The following WDR27 variants were observed in gnomAD, a reference collection of about 807,000 sequenced individuals.
WDR27 encodes the protein WD repeat-containing protein 27.
Under a neutral mutation model 114.4 loss-of-function variants are expected in WDR27, and 100 were observed. That is an observed-to-expected ratio of 0.87 (90% CI 0.74 to 1.03). WDR27 has a LOEUF of 1.03. WDR27 is among the 50% of genes least tolerant of loss of function. The probability of loss-of-function intolerance (pLI) is 0.00; values close to 1 mark genes in which losing one functional copy is unlikely to be tolerated. For missense variants in WDR27, 1,129 were observed against 1,092.9 expected (o/e 1.03, Z -0.47); for synonymous variants, 449 against 423.1 (o/e 1.06, Z -0.75).
rs545802236 is a variant in WDR27 at position 169,634,052 on chromosome 6, G to C, written c.2101+376C>G. On this transcript the variant is annotated intron_variant, in intron 20 of 25. Coordinates refer to ENST00000448612, the MANE Select transcript of WDR27 (RefSeq NM_182552.5). ...TAAAAATCTCAAAAATTAAAGTTCT[G>C]GGATTCCATTTCATATTATTTTGAA... Among the ~76,000 whole-genome samples, 27 of 152,198 alleles carry C rather than the reference G, an allele frequency of 1.8e-4. No homozygotes were observed. The South Asian group carries it at 3.7e-3, about 21-fold the overall frequency.
At chr6:169,499,753 T>C (rs981296722) in intron 25 of WDR27, among the ~76,000 whole-genome samples, 1 of 152,240 alleles carries the variant, frequency 6.6e-6, no homozygotes, top group South Asian at 2.1e-4. Flanking sequence ...GCTGGGACCC[T>C]GCCAAGTGGG....
intron 21 of WDR27, among the ~76,000 whole-genome samples, chr6:169,616,343 C>T (rs1053015728): frequency 6.6e-6 from 1 of 152,104 alleles, no homozygotes; most frequent in Admixed American, 6.5e-5. Flanking sequence ...CAAAAATTAG[C>T]TGGGTGTGGT....
the WDR27 span, among the ~76,000 whole-genome samples, chr6:169,434,367 G>A: frequency 6.6e-6 from 1 of 152,118 alleles, no homozygotes. Flanking sequence ...CTTTTGTCAG[G>A]TTTGTTGAAG....
At chr6:169,583,164 T>C (rs1803801675) in intron 23 of WDR27, among the ~76,000 whole-genome samples, 1 of 152,116 alleles carries the variant, frequency 6.6e-6, no homozygotes, top group Non-Finnish European at 1.5e-5. Flanking sequence ...ACTTATGTCA[T>C]ACTTTCTATT....
At chr6:169,689,305 A>G (rs1783852363) in intron 1 of WDR27, 1 of 243,002 alleles carries the variant, frequency 4.1e-6, no homozygotes, top group Admixed American at 5.5e-5. Flanking sequence ...ATCAGCTTCC[A>G]CAACTGTCAA....
Position 169,658,349 on chromosome 6 carries a change from G to C in WDR27, c.1329C>G (p.Val443=). Reference sequence around the variant, plus strand: ...CCAGATACAGTGGAGAGGTCGGTAGGACACAGGAGCTGAAACAGAAACAAG... The same window carrying C: ...CCAGATACAGTGGAGAGGTCGGTAGCACACAGGAGCTGAAACAGAAACAAG... ...QSLSVPASSC[V]LPTSPLYLGI... is the part of the protein sequence containing the mutation. Residue 443 remains valine, a synonymous_variant, in exon 13 of 26, where the codon GTC becomes GTG. Coordinates refer to ENST00000448612, the MANE Select transcript of WDR27 (RefSeq NM_182552.5). The C allele has an allele frequency of 6.3e-7, 1 of 1,594,996 alleles. No homozygotes were observed.
intron 20 of WDR27, among the ~76,000 whole-genome samples, chr6:169,633,921 C>CT (rs1817046979): frequency 6.6e-6 from 1 of 152,182 alleles, no homozygotes; most frequent in Non-Finnish European, 1.5e-5. Flanking sequence ...GTAGATTGAA[C>CT]TTTGAGTAAA....
the WDR27 span, among the ~76,000 whole-genome samples, chr6:169,439,602 A>C: frequency 2.6e-5 from 4 of 152,158 alleles, no homozygotes; most frequent in African/African-American, 9.7e-5. Flanking sequence ...TAACTGATAA[A>C]AATTATGATT....
intron 25 of WDR27, among the ~76,000 whole-genome samples, chr6:169,537,197 CATT>C (rs1437480788): frequency 6.6e-6 from 1 of 152,158 alleles, no homozygotes; most frequent in African/African-American, 2.4e-5. Flanking sequence ...GCCTCCCAGA[CATT>C]ATACAATACA....
intron 25 of WDR27, among the ~76,000 whole-genome samples, chr6:169,519,687 G>C (rs1466500058): frequency 6.6e-6 from 1 of 151,966 alleles, no homozygotes; most frequent in Non-Finnish European, 1.5e-5. Context: ...GATTTGGGTG[G>C]TGGGAATATC....
At chr6:169,645,232 G>A (rs1262857794) in intron 16 of WDR27, among the ~76,000 whole-genome samples, 1 of 151,480 alleles carries the variant, frequency 6.6e-6, no homozygotes, top group African/African-American at 2.4e-5. Flanking sequence ...TAGTTCACAG[G>A]AGTCACACTG....
the WDR27 span, among the ~76,000 whole-genome samples, chr6:169,430,243 C>T: frequency 1.3e-5 from 2 of 152,214 alleles, no homozygotes; most frequent in Admixed American, 1.3e-4. Flanking sequence ...GAAGGGAGAG[C>T]TTGGTGAGCA....
At chr6:169,435,068 G>A in the WDR27 span, among the ~76,000 whole-genome samples, 4 of 152,192 alleles carry the variant, frequency 2.6e-5, no homozygotes, top group Non-Finnish European at 5.9e-5. Flanking sequence ...TGGCTAAAAG[G>A]GTCCAAGGCA....
intron 13 of WDR27, chr6:169,657,687 A>G (rs917313066): frequency 6.5e-6 from 1 of 152,876 alleles, no homozygotes; most frequent in African/African-American, 2.4e-5. Flanking sequence ...GTGAAAGTTA[A>G]TTTATACATA....
intron 25 of WDR27, among the ~76,000 whole-genome samples, chr6:169,529,317 G>C (rs1021103746): frequency 5.0e-5 from 7 of 141,046 alleles, no homozygotes; most frequent in East Asian, 2.3e-4. Context: ...CTCTGCGGGG[G>C]GGGGGGGCAG....
At chr6:169,642,864 C>T (rs1228496144) in intron 17 of WDR27, among the ~76,000 whole-genome samples, 2 of 152,338 alleles carry the variant, frequency 1.3e-5, no homozygotes, top group East Asian at 3.9e-4. Context: ...GGCTGTGTGT[C>T]CCATATTCGC....
intron 2 of WDR27, among the ~76,000 whole-genome samples, chr6:169,675,005 A>T (rs1779729209): frequency 6.6e-6 from 1 of 152,196 alleles, no homozygotes; most frequent in Non-Finnish European, 1.5e-5. Context: ...TCATCAGTTA[A>T]GGCGGGAACA....
At chr6:169,556,375 A>G (rs1430593404) in intron 25 of WDR27, among the ~76,000 whole-genome samples, 1 of 152,220 alleles carries the variant, frequency 6.6e-6, no homozygotes, top group Non-Finnish European at 1.5e-5. Flanking sequence ...CCCTGGGCAG[A>G]GGACCCAGCT....
At chr6:169,575,507 C>G (rs57446378) in intron 24 of WDR27, among the ~76,000 whole-genome samples, 18,582 of 151,952 alleles carry the variant, frequency 0.12, 2,239 homozygotes, top group East Asian at 0.58. Flanking sequence ...GGAGGTTGGT[C>G]TTATCGCTCC....
Sources: gnomAD v4.1 joint callset for allele counts (sites outside exome capture counted in the v4.1 genomes callset) on GRCh38, gnomAD v4.1.1 for gene constraint, MANE v1.5 for transcripts, NCBI Gene and HGNC (gene_info 2026-07-23, HGNC 2026-07-21) for gene names.